ZWILCH: variants seen among roughly 807,000 people sequenced by gnomAD.
ZWILCH encodes the protein protein zwilch homolog.
In ZWILCH, 74 loss-of-function variants were observed where a neutral mutation model predicts 79.9. That is an observed-to-expected ratio of 0.93 (90% CI 0.77 to 1.12). The LOEUF is 1.12. ZWILCH is among the 50% of genes most tolerant of loss of function. The pLI is 0.00. For synonymous variants in ZWILCH, 241 were observed against 228.2 expected (o/e 1.06, Z -0.51); for missense variants, 694 against 687.5 (o/e 1.01, Z -0.11).
intron 5 of ZWILCH, among the ~76,000 whole-genome samples, chr15:66,519,784 T>G (rs1894426011): frequency 6.6e-6 from 1 of 151,820 alleles, no homozygotes. Context: ...GTGCCCAACT[T>G]CCACTTTATT....
chr15:66,518,262 T>G (rs1374813670), intron 4 of ZWILCH, among the ~76,000 whole-genome samples: 1 of 151,554 alleles, frequency 6.6e-6, no homozygotes, highest in Non-Finnish European at 1.5e-5. Context: ...AGTTTTAGGT[T>G]GTTGTTTCTG....
intron 17 of ZWILCH, among the ~76,000 whole-genome samples, chr15:66,544,724 T>TTTTGTGTGTGTGTG (rs145952622): frequency 0.015 from 1,896 of 128,512 alleles, 13 homozygotes; most frequent in Non-Finnish European, 0.016. Flanking sequence ...TTTTTGGTTT[T>TTTTGTGTGTGTGTG]TGTGTGTGTG....
rs570650554 is a variant in ZWILCH at position 66,535,918 on chromosome 15, A to C, written c.1342-15A>C. 8 of 1,587,888 alleles carry C rather than the reference A, an allele frequency of 5.0e-6. No homozygotes were observed. The Admixed American group carries it at 9.2e-5, about 18-fold the overall frequency. On this transcript the variant is annotated splice_polypyrimidine_tract_variant and intron_variant, in intron 14 of 18. Transcript: ENST00000307897. ...TGCTTTAAATCTCTATTTTGCTTAT[A>C]TTTTTTCATTCCAGGAATACTTCAT...
At chr15:66,505,562 C>G (rs530153193) in intron 1 of ZWILCH, 171 bp downstream of exon 1, 5 of 678,198 alleles carry the variant, frequency 7.4e-6, no homozygotes, top group Non-Finnish European at 1.2e-5. Context: ...TGGGGTTGAC[C>G]GTGTGGGAGC....
At chr15:66,523,133 A>G (rs955095482) in intron 7 of ZWILCH, among the ~76,000 whole-genome samples, 8 of 152,106 alleles carry the variant, frequency 5.3e-5, no homozygotes, top group Admixed American at 1.3e-4. Context: ...ATGGATAATT[A>G]TATTCTTTAT....
At chr15:66,533,698 T>C (rs573352891) in intron 14 of ZWILCH, among the ~76,000 whole-genome samples, 103 of 151,292 alleles carry the variant, frequency 6.8e-4, no homozygotes, top group African/African-American at 2.4e-3. Flanking sequence ...AGTGGACACA[T>C]GTTCTAGCAA....
In ZWILCH at chr15:66,549,484, A is replaced by G. The variant is rs1049200873; in HGVS notation, c.*1160A>G. The G allele has an allele frequency of 6.6e-6, 1 of 152,206 alleles. No individual in the cohort carries two copies. The highest frequency in any genetic ancestry group is 2.4e-5 in the African/African-American group (1 of 41,444). 9.4% of individuals were successfully genotyped at this position (152,206 alleles called of 1,614,324 possible). A position where few individuals can be genotyped will look rare whatever the true frequency, so the allele number is the denominator to read the frequency against. ...AATAAAGATAAAATTCAAAGAAACA[A>G]ATAATATGTGTTGGCATTTCTTGAT... On this transcript the variant is annotated 3_prime_UTR_variant, in exon 19 of 19. Transcript: ENST00000307897.
chr15:66,512,794 G>C (rs563445627), intron 2 of ZWILCH, among the ~76,000 whole-genome samples: 21 of 151,764 alleles, frequency 1.4e-4, no homozygotes, highest in Non-Finnish European at 2.9e-4. Flanking sequence ...TTTTATTTGT[G>C]TATTTATTTT....
chr15:66,517,430 G>GTGTGTGTGTGTGTGTGTGTGTATATATA, intron 4 of ZWILCH, among the ~76,000 whole-genome samples: 11 of 66,518 alleles, frequency 1.7e-4, no homozygotes, highest in Non-Finnish European at 2.3e-4. Context: ...GTGTGTGTGT[G>GTGTGTGTGTGTGTGTGTGTGTATATATA]TATATATATA....
chr15:66,529,642 A>C, intron 12 of ZWILCH, 69 bp downstream of exon 12: 1 of 1,200,704 alleles, frequency 8.3e-7, no homozygotes, highest in Non-Finnish European at 1.2e-6. Flanking sequence ...ACAGGCTCTG[A>C]AGCCAACTGC....
chr15:66,544,719 G>GTTGTGTGTGTGTGTGTGT (rs1555426538), intron 17 of ZWILCH, among the ~76,000 whole-genome samples: 7 of 44,776 alleles, frequency 1.6e-4, no homozygotes, highest in African/African-American at 4.0e-4. Context: ...TTGTTTTTTT[G>GTTGTGTGTGTGTGTGTGT]GTTTTTGTGT....
intron 8 of ZWILCH, 76 bp downstream of exon 8, chr15:66,523,824 G>C: frequency 8.3e-7 from 1 of 1,210,514 alleles, no homozygotes; most frequent in Non-Finnish European, 1.2e-6. Context: ...TTTTTACTTA[G>C]GTTTGTGTTA....
At chr15:66,513,508 A>T (rs1894144915) in intron 2 of ZWILCH, among the ~76,000 whole-genome samples, 1 of 151,996 alleles carries the variant, frequency 6.6e-6, no homozygotes, top group South Asian at 2.1e-4. Flanking sequence ...TGAGGCTGTA[A>T]TGCACTATGC....
At chr15:66,530,198 A>T (rs1894815814) in intron 12 of ZWILCH, among the ~76,000 whole-genome samples, 1 of 152,270 alleles carries the variant, frequency 6.6e-6, no homozygotes, top group Admixed American at 6.5e-5. Flanking sequence ...AATGATGCTG[A>T]TAAATGATAT....
intron 6 of ZWILCH, 34 bp from the exon 7 acceptor site, chr15:66,521,016 C>A: frequency 1.2e-6 from 2 of 1,605,176 alleles, no homozygotes; most frequent in Non-Finnish European, 1.7e-6. Flanking sequence ...TGTGGAAGCA[C>A]AGCTAAATGA....
chr15:66,509,511 A>C (rs924213608), intron 2 of ZWILCH, among the ~76,000 whole-genome samples: 2 of 152,042 alleles, frequency 1.3e-5, no homozygotes, highest in Non-Finnish European at 2.9e-5. Context: ...AATTCATTCT[A>C]TTTCTGAGTA....
chr15:66,533,979 G>T (rs1041684948), intron 14 of ZWILCH, among the ~76,000 whole-genome samples: 1 of 152,134 alleles, frequency 6.6e-6, no homozygotes, highest in African/African-American at 2.4e-5. Context: ...GGTTGTCTGT[G>T]CCTGTGGTCC....
chr15:66,528,817 A>G (rs760510635), intron 10 of ZWILCH, 35 bp from the exon 11 acceptor site: 1 of 1,577,220 alleles, frequency 6.3e-7, no homozygotes, highest in African/African-American at 1.4e-5. Flanking sequence ...TTAAAAAAAA[A>G]ACTGAGTATT....
At position 66,532,364 on chromosome 15, in the gene ZWILCH, T is replaced by A. The variant is rs368758542; in HGVS notation, c.1273T>A (p.Leu425Met). The A allele has an allele frequency of 6.2e-7, 1 of 1,611,214 alleles. No individual in the cohort carries two copies. The highest frequency in any genetic ancestry group is 1.1e-5 in the South Asian group (1 of 90,458). ...AGTTCAAATGCTTTTGGAAATTGGTTTGGACAAACTAAAGAAAGATTATAT... is the reference window on the plus strand; with the variant it reads ...AGTTCAAATGCTTTTGGAAATTGGTATGGACAAACTAAAGAAAGATTATAT... ...IPVQMLLEIG[L>M]DKLKKDYISF... Residue 425 changes from leucine to methionine, a missense_variant, in exon 13 of 19, where the codon TTG becomes ATG. Transcript: ENST00000307897.
Sources: allele counts gnomAD v4.1 joint callset (sites outside exome capture counted in the v4.1 genomes callset), GRCh38; gene constraint gnomAD v4.1.1; transcripts MANE v1.5; gene names NCBI Gene and HGNC (gene_info 2026-07-23, HGNC 2026-07-21).